Variants in MIR2052HG observed in about 807,000 individuals in gnomAD.
MIR2052HG encodes the protein MIR2052 host gene.
intron 1 of MIR2052HG, among the ~76,000 whole-genome samples, chr8:74,611,586 GTCTC>G (rs1324755140): frequency 6.6e-6 from 1 of 152,108 alleles, no homozygotes; most frequent in Non-Finnish European, 1.5e-5. Flanking sequence ...GCTTCAGAAA[GTCTC>G]TCATAAATAG....
intron 4 of MIR2052HG, among the ~76,000 whole-genome samples, chr8:74,751,574 AGTG>A (rs1489490167): frequency 6.6e-6 from 1 of 152,222 alleles, no homozygotes; most frequent in Non-Finnish European, 1.5e-5. Flanking sequence ...CTGCAGAAAC[AGTG>A]GTTCAGTATT....
chr8:74,702,126 A>T (rs1809364079), intron 2 of MIR2052HG, among the ~76,000 whole-genome samples: 1 of 152,096 alleles, frequency 6.6e-6, no homozygotes, highest in South Asian at 2.1e-4. Flanking sequence ...AAAACTTAGG[A>T]ACTTTCCATC....
chr8:74,687,871 G>T (rs1809199853), intron 2 of MIR2052HG, among the ~76,000 whole-genome samples: 1 of 152,120 alleles, frequency 6.6e-6, no homozygotes, highest in Non-Finnish European at 1.5e-5. Flanking sequence ...GAAACTTTGG[G>T]AGTGTTGGGT....
chr8:74,654,783 C>T (rs192086687), intron 2 of MIR2052HG, among the ~76,000 whole-genome samples: 18 of 152,126 alleles, frequency 1.2e-4, no homozygotes, highest in East Asian at 1.9e-4. Flanking sequence ...AGAAGATACC[C>T]GAAAATGTGG....
chr8:74,738,860 C>T (rs1436766057), intron 4 of MIR2052HG, among the ~76,000 whole-genome samples: 1 of 152,180 alleles, frequency 6.6e-6, no homozygotes, highest in African/African-American at 2.4e-5. Context: ...TTGAGGCTTA[C>T]ACGCATTCAG....
intron 1 of MIR2052HG, among the ~76,000 whole-genome samples, chr8:74,607,003 T>TA (rs1422472973): frequency 6.6e-6 from 1 of 151,156 alleles, no homozygotes; most frequent in Admixed American, 6.6e-5. Flanking sequence ...GTAAATGGCC[T>TA]AAAAATCCCA....
intron 2 of MIR2052HG, among the ~76,000 whole-genome samples, chr8:74,630,528 GAAAA>G (rs200428495): frequency 1.5e-3 from 189 of 126,076 alleles, no homozygotes; most frequent in African/African-American, 5.1e-3. Flanking sequence ...AGATTTCTCT[GAAAA>G]AAAAAAAAAA....
chr8:74,726,511 G>A (rs1366278679), intron 4 of MIR2052HG, among the ~76,000 whole-genome samples: 2 of 152,110 alleles, frequency 1.3e-5, no homozygotes, highest in Non-Finnish European at 2.9e-5. Context: ...AAACATACAG[G>A]TTTAAGATTT....
chr8:74,707,840 C>T (rs777365528), intron 4 of MIR2052HG, among the ~76,000 whole-genome samples: 6 of 152,104 alleles, frequency 3.9e-5, no homozygotes, highest in South Asian at 2.1e-4. Context: ...ATAAATCAAC[C>T]GGAGATGATG....
intron 4 of MIR2052HG, among the ~76,000 whole-genome samples, chr8:74,723,365 A>G (rs931887625): frequency 1.3e-5 from 2 of 152,236 alleles, no homozygotes; most frequent in African/African-American, 4.8e-5. Flanking sequence ...GGTAAAGATT[A>G]CAACACATAA....
intron 2 of MIR2052HG, among the ~76,000 whole-genome samples, chr8:74,689,735 A>C (rs1174960503): frequency 6.6e-6 from 1 of 152,354 alleles, no homozygotes; most frequent in East Asian, 1.9e-4. Flanking sequence ...CTAGTAGAAG[A>C]AACTGAATGC....
At chr8:74,631,865 G>A (rs1401294868) in intron 2 of MIR2052HG, among the ~76,000 whole-genome samples, 1 of 152,144 alleles carries the variant, frequency 6.6e-6, no homozygotes, top group African/African-American at 2.4e-5. Flanking sequence ...TTCACATGGT[G>A]AAAAGGACAA....
intron 2 of MIR2052HG, among the ~76,000 whole-genome samples, chr8:74,659,892 T>A (rs914466190): frequency 6.6e-6 from 1 of 152,266 alleles, no homozygotes; most frequent in African/African-American, 2.4e-5. Flanking sequence ...AAGTTATTCA[T>A]ATTTTCTTCT....
rs989278348 is a variant in MIR2052HG at position 74,670,622 on chromosome 8, A to G, written n.217-31757A>G. ...ATTTGTGTATATTCTAGTGAAAAAG[A>G]AAAGTTAGATACTTAAACAAAACAT... On this transcript the variant is annotated intron_variant and non_coding_transcript_variant, in intron 2 of 6. Transcript: ENST00000523442. Among the ~76,000 whole-genome samples the G allele has an allele frequency of 2.0e-5, 3 of 152,198 alleles. No individual in the cohort carries two copies. The East Asian group carries it at 5.8e-4, about 29-fold the overall frequency.
intron 2 of MIR2052HG, among the ~76,000 whole-genome samples, chr8:74,652,258 T>C (rs1808761134): frequency 6.6e-6 from 1 of 152,202 alleles, no homozygotes; most frequent in African/African-American, 2.4e-5. Context: ...CACTGTTAGG[T>C]TTGAATGTGG....
At chr8:74,625,655 G>T (rs1586895004) in intron 2 of MIR2052HG, among the ~76,000 whole-genome samples, 2 of 152,128 alleles carry the variant, frequency 1.3e-5, no homozygotes, top group Admixed American at 1.3e-4. Flanking sequence ...CCATTATCAA[G>T]AAATTGTTTA....
intron 2 of MIR2052HG, among the ~76,000 whole-genome samples, chr8:74,662,381 C>T (rs1808874522): frequency 1.3e-5 from 2 of 148,752 alleles, no homozygotes; most frequent in Non-Finnish European, 1.5e-5. Context: ...AAGTAGGATT[C>T]TAATGAGAAC....
intron 4 of MIR2052HG, among the ~76,000 whole-genome samples, chr8:74,709,377 A>G (rs1042943255): frequency 6.6e-6 from 1 of 152,140 alleles, no homozygotes; most frequent in Admixed American, 6.6e-5. Flanking sequence ...TATGGAGAGT[A>G]TTCAGTGCCT....
At chr8:74,633,925 T>C (rs1303953620) in intron 2 of MIR2052HG, among the ~76,000 whole-genome samples, 2 of 152,228 alleles carry the variant, frequency 1.3e-5, no homozygotes, top group East Asian at 1.9e-4. Context: ...CAGTCTTTCA[T>C]TGGCTTATTC....
Sources: gnomAD v4.1 joint callset for allele counts (sites outside exome capture counted in the v4.1 genomes callset) on GRCh38, gnomAD v4.1.1 for gene constraint, MANE v1.5 for transcripts, NCBI Gene and HGNC (gene_info 2026-07-23, HGNC 2026-07-21) for gene names.